The following LRP2BP variants were observed in gnomAD, a reference collection of about 807,000 sequenced individuals.
LRP2BP encodes LRP2 binding protein, also known as LRP2-binding protein.
LRP2BP carries 38 observed loss-of-function variants against 45.2 expected under a neutral mutation model. That is an observed-to-expected ratio of 0.84 (90% CI 0.65 to 1.10). LRP2BP has a LOEUF of 1.10. Ranked by LOEUF, LRP2BP falls within the 50% of genes least tolerant of loss-of-function variation. The pLI is 0.00. For synonymous variants in LRP2BP, 153 were observed against 153.9 expected, an observed-to-expected ratio of 0.99 and a Z score of 0.04; for missense variants, 385 against 418.9, an observed-to-expected ratio of 0.92 and a Z score of 0.71.
chr4:185,387,944 C>T (rs1234747978), intron 1 of LRP2BP, among the ~76,000 whole-genome samples: 1 of 152,222 alleles, frequency 6.6e-6, no homozygotes, highest in Non-Finnish European at 1.5e-5. Flanking sequence ...TCCTTTTCCC[C>T]ACTGTCCCGT....
At chr4:185,371,953 A>G (rs75148901) in intron 7 of LRP2BP, among the ~76,000 whole-genome samples, 2,933 of 152,042 alleles carry the variant, frequency 0.019, 50 homozygotes, top group South Asian at 0.06. Context: ...TCTGATGGCC[A>G]CTCTAGAGTA....
rs1554020568 is a variant in LRP2BP, at chr4:185,388,447, G to GCCTACCTATCAATCATCTACCTA, written c.-22+6331_-22+6332insTAGGTAGATGATTGATAGGTAGG. On this transcript the variant is annotated intron_variant, in intron 1 of 8. Coordinates refer to ENST00000505916, the MANE Select transcript of LRP2BP (RefSeq NM_001377440.1). ...CCTTTTACTATCTATCTACCTATCT[G>GCCTACCTATCAATCATCTACCTA]CCTACCTACCTACCTAACCTGCCTA... Among the ~76,000 whole-genome samples, 6 of 149,632 alleles carry GCCTACCTATCAATCATCTACCTA rather than the reference G, an allele frequency of 4.0e-5. No individual in the cohort carries two copies. In the East Asian group the frequency reaches 7.9e-4, roughly 20 times the overall value.
intron 8 of LRP2BP, among the ~76,000 whole-genome samples, chr4:185,367,566 C>T (rs1048364569): frequency 1.3e-5 from 2 of 152,074 alleles, no homozygotes; most frequent in African/African-American, 4.8e-5. Context: ...CATTTGGCCT[C>T]AAAGTTGTTA....
At chr4:185,372,417 C>G (rs1406043647) in intron 7 of LRP2BP, among the ~76,000 whole-genome samples, 1 of 152,186 alleles carries the variant, frequency 6.6e-6, no homozygotes, top group Non-Finnish European at 1.5e-5. Flanking sequence ...TGCTAAGTTG[C>G]ATTAGACACA....
At chr4:185,383,265 A>G (rs1008667439) in intron 1 of LRP2BP, among the ~76,000 whole-genome samples, 16 of 152,198 alleles carry the variant, frequency 1.1e-4, no homozygotes, top group African/African-American at 3.9e-4. Context: ...TGAGGCCACA[A>G]GTTCAAGACC....
At position 185,395,853 on chromosome 4, in the gene LRP2BP, G is replaced by T. The variant is rs1193919719; in HGVS notation, c.-1096C>A. 1.0e-6 allele frequency: 1 copy of T among 985,332 alleles called. No homozygotes were observed. Among genetic ancestry groups the T allele is most frequent in the East Asian group, 1.1e-4 (1 of 8,828 alleles). 61.0% of individuals were successfully genotyped at this position (985,332 alleles called of 1,614,324 possible). ...CAGAAGGGAATCACTAAAAATGTAGGGGAAAAGAAACACTCGGCTGGAGCT... is the reference window on the plus strand; with the variant it reads ...CAGAAGGGAATCACTAAAAATGTAGTGGAAAAGAAACACTCGGCTGGAGCT... On this transcript the variant is annotated 5_prime_UTR_variant, in exon 1 of 9. Transcript: ENST00000505916.
chr4:185,381,649 T>C (rs774527329), intron 1 of LRP2BP, among the ~76,000 whole-genome samples: 5 of 152,180 alleles, frequency 3.3e-5, no homozygotes, highest in Non-Finnish European at 5.9e-5. Context: ...AAAAAGTTTT[T>C]AGTTGTCCTG....
intron 6 of LRP2BP, among the ~76,000 whole-genome samples, chr4:185,373,488 C>T (rs1249028379): frequency 2.0e-5 from 3 of 152,198 alleles, no homozygotes; most frequent in Admixed American, 2.0e-4. Flanking sequence ...GAGATAGCAG[C>T]TGCTGCGATC....
In LRP2BP at chr4:185,376,889, GAATA is replaced by G; in HGVS notation, c.216+16_216+19del. ...CAACAGAATTACAGGAAATGAAAAC[GAATA>G]AACAAAAAATGATACCTCTTCAAAA... On this transcript the variant is annotated intron_variant, in intron 3 of 8. Coordinates refer to ENST00000505916, the MANE Select transcript of LRP2BP (RefSeq NM_001377440.1). 1 of 1,556,274 alleles carries G rather than the reference GAATA, an allele frequency of 6.4e-7. No individual in the cohort carries two copies. The highest frequency in any genetic ancestry group is 1.4e-5 in the African/African-American group (1 of 73,656).
chr4:185,377,850 T>G, intron 2 of LRP2BP: 1 of 429,878 alleles, frequency 2.3e-6, no homozygotes, highest in South Asian at 4.5e-5. Context: ...AGCATGTCCT[T>G]AAGTCCTGAG....
At chr4:185,369,744 C>G (rs1168555176) in intron 8 of LRP2BP, 4 of 444,620 alleles carry the variant, frequency 9.0e-6, no homozygotes, top group African/African-American at 8.1e-5. Flanking sequence ...CATTGGAATC[C>G]CACAGGGAAC....
upstream of LRP2BP, chr4:185,396,546 C>A (rs1476147718): frequency 3.7e-6 from 1 of 269,528 alleles, no homozygotes; most frequent in Non-Finnish European, 7.0e-6. Flanking sequence ...TTACCCTGCG[C>A]ACGCGCGCTG....
intron 1 of LRP2BP, among the ~76,000 whole-genome samples, chr4:185,386,368 A>C (rs1298734627): frequency 6.6e-6 from 1 of 152,228 alleles, no homozygotes; most frequent in African/African-American, 2.4e-5. Context: ...GCTCATTTGT[A>C]ATAACACAAA....
At chr4:185,396,842 C>A (rs368102461), upstream of LRP2BP, 1 of 1,456,990 alleles carries the variant, frequency 6.9e-7, no homozygotes, top group Non-Finnish European at 9.6e-7. Context: ...GGCCAGCCTG[C>A]GCATTCTTAC....
At chr4:185,377,202 C>T (rs1256968533) in intron 2 of LRP2BP, 184 bp from the exon 3 acceptor site, 2 of 583,556 alleles carry the variant, frequency 3.4e-6, no homozygotes, top group East Asian at 2.9e-5. Flanking sequence ...GGTCACAGGC[C>T]CTAACACTGT....
At chr4:185,372,732 C>T (rs1246525044) in intron 7 of LRP2BP, 124 bp downstream of exon 7, 12 of 716,874 alleles carry the variant, frequency 1.7e-5, no homozygotes, top group Non-Finnish European at 2.5e-5. Flanking sequence ...TGATGGTCCT[C>T]CCCTCTGGAG....
chr4:185,388,468 G>A (rs144367801), intron 1 of LRP2BP, among the ~76,000 whole-genome samples: 8 of 5,958 alleles, frequency 1.3e-3, no homozygotes, highest in African/African-American at 2.4e-3. Flanking sequence ...TACCTAACCT[G>A]CCTAACCTAC....
chr4:185,367,354 G>A, intron 8 of LRP2BP, 109 bp from the exon 9 acceptor site: 1 of 918,678 alleles, frequency 1.1e-6, no homozygotes, highest in South Asian at 1.7e-5. Flanking sequence ...AAAGTACAGT[G>A]AATTTCAAGA....
At chr4:185,374,296 A>C in intron 5 of LRP2BP, 23 bp downstream of exon 5, 2 of 1,614,022 alleles carry the variant, frequency 1.2e-6, no homozygotes, top group Non-Finnish European at 1.7e-6. Flanking sequence ...TTCAAACCTA[A>C]TCTTGTTCTC....
Sources: allele counts gnomAD v4.1 joint callset (sites outside exome capture counted in the v4.1 genomes callset), GRCh38; gene constraint gnomAD v4.1.1; transcripts MANE v1.5; gene names NCBI Gene and HGNC (gene_info 2026-07-23, HGNC 2026-07-21).